The following ATP8A2 variants were observed in gnomAD, a reference collection of about 807,000 sequenced individuals.
The protein encoded by ATP8A2 is ATPase phospholipid transporting 8A2, also known as phospholipid-transporting ATPase IB.
A neutral mutation model predicts 165.6 loss-of-function variants in ATP8A2; 100 were observed. The observed-to-expected ratio is 0.60, with a 90% confidence interval of 0.51 to 0.71. ATP8A2 has a LOEUF of 0.71. Among genes scored for constraint, ATP8A2 ranks in the 30% least tolerant of loss-of-function variants. ATP8A2 has a pLI of 0.00. For synonymous variants in ATP8A2, 543 were observed against 548.8 expected, an observed-to-expected ratio of 0.99 and a Z score of 0.15; for missense variants, 1,227 against 1,479.5, an observed-to-expected ratio of 0.83 and a Z score of 2.80.
chr13:25,499,729 G>A (rs1361775764), intron 2 of ATP8A2, among the ~76,000 whole-genome samples: 1 of 152,106 alleles, frequency 6.6e-6, no homozygotes, highest in Non-Finnish European at 1.5e-5. Flanking sequence ...AATATTTGTG[G>A]AGTACTTACC....
At chr13:26,002,310 A>G (rs2139324669) in intron 35 of ATP8A2, among the ~76,000 whole-genome samples, 1 of 152,150 alleles carries the variant, frequency 6.6e-6, no homozygotes, top group East Asian at 1.9e-4. Flanking sequence ...GAAAACTATC[A>G]CAAGGACAGA....
At chr13:25,744,925 T>TTTTTCTTTTC (rs376668495) in intron 25 of ATP8A2, among the ~76,000 whole-genome samples, 12 of 151,654 alleles carry the variant, frequency 7.9e-5, no homozygotes, top group African/African-American at 2.9e-4. Context: ...AGGGGCCCAG[T>TTTTTCTTTTC]TTTTCTTTTC....
chr13:25,759,029 A>G (rs1302545067), intron 25 of ATP8A2, among the ~76,000 whole-genome samples: 1 of 152,108 alleles, frequency 6.6e-6, no homozygotes, highest in African/African-American at 2.4e-5. Flanking sequence ...GAGAGAGAGA[A>G]AGGGAAAGAA....
intron 21 of ATP8A2, among the ~76,000 whole-genome samples, chr13:25,579,120 GTAGAATCACC>G (rs1243347040): frequency 6.6e-6 from 1 of 152,198 alleles, no homozygotes; most frequent in African/African-American, 2.4e-5. Flanking sequence ...CGCACAACGT[GTAGAATCACC>G]TTTAGTTACT....
At chr13:25,762,268 C>CAAAAAAAAAAAAAAAAAA (rs59081934) in intron 25 of ATP8A2, among the ~76,000 whole-genome samples, 1 of 41,310 alleles carries the variant, frequency 2.4e-5, no homozygotes, top group African/African-American at 1.1e-4. Flanking sequence ...GACTCTGTCT[C>CAAAAAAAAAAAAAAAAAA]AAAAAAAAAA....
At chr13:25,759,749 A>G (rs1359717597) in intron 25 of ATP8A2, among the ~76,000 whole-genome samples, 1 of 152,200 alleles carries the variant, frequency 6.6e-6, no homozygotes, top group Non-Finnish European at 1.5e-5. Flanking sequence ...AGTCTAGTAC[A>G]GGAAGAGACA....
chr13:25,647,266 A>G (rs1302241033), intron 24 of ATP8A2, among the ~76,000 whole-genome samples: 1 of 152,136 alleles, frequency 6.6e-6, no homozygotes, highest in Non-Finnish European at 1.5e-5. Flanking sequence ...CCCTTTAGCA[A>G]TTTCTGTAAA....
In ATP8A2 at chr13:25,946,248, A is replaced by G. The variant is rs554373421; in HGVS notation, c.3184-15327A>G. Among the ~76,000 whole-genome samples, 92 of 152,218 alleles carry G rather than the reference A, an allele frequency of 6.0e-4. 1 individual carries two copies. Among genetic ancestry groups the G allele is most frequent in the Non-Finnish European group, 1.2e-3 (84 of 68,038 alleles). On this transcript the variant is annotated intron_variant, in intron 33 of 36. Coordinates refer to ENST00000381655, the MANE Select transcript of ATP8A2 (RefSeq NM_016529.6). Reference sequence around the variant, plus strand: ...GTGAGTCCGGCCACTCAGTGAGTTAAGGAGGCCAATGGCCATGTCCCCACG... The same window carrying G: ...GTGAGTCCGGCCACTCAGTGAGTTAGGGAGGCCAATGGCCATGTCCCCACG...
In ATP8A2 at chr13:25,492,879, TG is replaced by T. The variant is rs147057414; in HGVS notation, c.221+23760del. On this transcript the variant is annotated intron_variant, in intron 2 of 36. Coordinates refer to ENST00000381655, the MANE Select transcript of ATP8A2 (RefSeq NM_016529.6). ...GGCAAAAGAAGAAACTGGCAAGACA[TG>T]GAGGTGGTCCAAGGATGTGGGGTCC... is the stretch of plus-strand genomic sequence containing the variant. 3.2e-3 allele frequency among the ~76,000 whole-genome samples: 492 copies of T among 152,276 alleles called. 17 individuals carry two copies. The East Asian group carries it at 0.08, about 25-fold the overall frequency.
chr13:25,627,521 C>T (rs947175773), intron 24 of ATP8A2, among the ~76,000 whole-genome samples: 1 of 152,148 alleles, frequency 6.6e-6, no homozygotes, highest in African/African-American at 2.4e-5. Flanking sequence ...AGAAGAGAAA[C>T]ACCTGATCTC....
chr13:25,810,894 T>A (rs763948473), intron 27 of ATP8A2, among the ~76,000 whole-genome samples: 1 of 152,196 alleles, frequency 6.6e-6, no homozygotes, highest in African/African-American at 2.4e-5. Context: ...TGATGAACTT[T>A]CCAGTTTTTT....
chr13:25,906,344 C>A (rs1012671156), intron 33 of ATP8A2, among the ~76,000 whole-genome samples: 1 of 149,668 alleles, frequency 6.7e-6, no homozygotes, highest in Non-Finnish European at 1.5e-5. Flanking sequence ...ACAAACTTGA[C>A]CTTTCTGAAA....
intron 33 of ATP8A2, among the ~76,000 whole-genome samples, chr13:25,943,391 C>A (rs1026061406): frequency 6.6e-6 from 1 of 152,158 alleles, no homozygotes; most frequent in Non-Finnish European, 1.5e-5. Context: ...ATGATAATGC[C>A]ATATTTGTAC....
intron 25 of ATP8A2, among the ~76,000 whole-genome samples, chr13:25,738,928 CTG>C (rs34277102): frequency 0.14 from 20,974 of 152,188 alleles, 1,537 homozygotes; most frequent in East Asian, 0.23. Flanking sequence ...GTGATGGTAA[CTG>C]AACTTATCAG....
intron 35 of ATP8A2, among the ~76,000 whole-genome samples, chr13:25,993,864 T>G (rs1404962833): frequency 6.6e-6 from 1 of 152,208 alleles, no homozygotes; most frequent in East Asian, 1.9e-4. Context: ...GTCTCATCTG[T>G]AACGACAAAA....
intron 1 of ATP8A2, among the ~76,000 whole-genome samples, chr13:25,451,852 G>GTTTT (rs67427237): frequency 5.4e-5 from 8 of 146,848 alleles, no homozygotes; most frequent in Admixed American, 6.8e-5. Flanking sequence ...TACCTTCATG[G>GTTTT]TTTTTTTTTT....
intron 25 of ATP8A2, among the ~76,000 whole-genome samples, chr13:25,700,785 T>G: frequency 6.6e-6 from 1 of 152,160 alleles, no homozygotes; most frequent in East Asian, 1.9e-4. Flanking sequence ...TGCGAGATGG[T>G]TTTCCAAAGT....
At chr13:25,827,801 C>G (rs1365707905) in intron 27 of ATP8A2, among the ~76,000 whole-genome samples, 1 of 152,236 alleles carries the variant, frequency 6.6e-6, no homozygotes, top group Non-Finnish European at 1.5e-5. Flanking sequence ...GAGTGTGAAG[C>G]TGAGACTCCT....
At chr13:26,009,520 G>A (rs76634910) in intron 35 of ATP8A2, among the ~76,000 whole-genome samples, 9,198 of 152,248 alleles carry the variant, frequency 0.06, 280 homozygotes, top group Non-Finnish European at 0.073. Flanking sequence ...ACAGACCTGG[G>A]GTGTGCACAT....
Sources: allele counts gnomAD v4.1 joint callset (sites outside exome capture counted in the v4.1 genomes callset), GRCh38; gene constraint gnomAD v4.1.1; transcripts MANE v1.5; gene names NCBI Gene and HGNC (gene_info 2026-07-23, HGNC 2026-07-21).